STK3: variants seen among roughly 807,000 people sequenced by gnomAD.
STK3 encodes serine/threonine kinase 3.
STK3 carries 41 observed loss-of-function variants against 58.0 expected under a neutral mutation model. The observed-to-expected ratio is 0.71, with a 90% CI of 0.55 to 0.92. The LOEUF (loss-of-function observed/expected upper bound fraction) is 0.92, where lower values mean the gene tolerates loss of function less well. Among genes scored for constraint, STK3 ranks in the 40% least tolerant of loss-of-function variants. The probability of loss-of-function intolerance (pLI) is 0.00; values close to 1 mark genes in which losing one functional copy is unlikely to be tolerated. For synonymous variants in STK3, 170 were observed against 191.0 expected, an observed-to-expected ratio of 0.89 and a Z score of 0.91; for missense variants, 479 against 602.7, an observed-to-expected ratio of 0.79 and a Z score of 2.15.
At chr8:98,469,477 C>T (rs1820754958) in intron 10 of STK3, among the ~76,000 whole-genome samples, 1 of 152,182 alleles carries the variant, frequency 6.6e-6, no homozygotes, top group African/African-American at 2.4e-5. Context: ...CTCCCTTGAG[C>T]CAGACACCTG....
intron 4 of STK3, among the ~76,000 whole-genome samples, chr8:98,717,097 C>T (rs1417496769): frequency 6.6e-6 from 1 of 151,756 alleles, no homozygotes; most frequent in Non-Finnish European, 1.5e-5. Flanking sequence ...GCAAAAACCT[C>T]ATGATACCAG....
intron 8 of STK3, among the ~76,000 whole-genome samples, chr8:98,564,985 T>A (rs1026431248): frequency 2.0e-5 from 3 of 152,172 alleles, no homozygotes; most frequent in Non-Finnish European, 4.4e-5. Context: ...GGGTGGTATA[T>A]GGAAACTCTC....
intron 6 of STK3, among the ~76,000 whole-genome samples, chr8:98,613,411 C>A (rs1418324780): frequency 2.0e-5 from 3 of 151,976 alleles, no homozygotes; most frequent in Non-Finnish European, 4.4e-5. Flanking sequence ...TCAGAAGTAT[C>A]TGACAAATAT....
chr8:98,488,522 G>A (rs10441501), intron 10 of STK3, among the ~76,000 whole-genome samples: 69,986 of 151,904 alleles, frequency 0.46, 16,298 homozygotes, highest in Admixed American at 0.55. Flanking sequence ...TTCTTTTCCT[G>A]CTTCTAATGT....
At chr8:98,422,926 G>A (rs1030970975) in intron 3 of STK3, among the ~76,000 whole-genome samples, 6 of 152,170 alleles carry the variant, frequency 3.9e-5, no homozygotes, top group Non-Finnish European at 5.9e-5. Flanking sequence ...CTGGTGTGAG[G>A]CCCAAGGCAT....
intron 2 of STK3, among the ~76,000 whole-genome samples, chr8:98,435,252 T>C (rs766879972): frequency 6.6e-6 from 1 of 151,782 alleles, no homozygotes; most frequent in Non-Finnish European, 1.5e-5. Flanking sequence ...GCTGGCCAGG[T>C]GGAGGGAAGG....
chr8:98,542,914 C>T (rs149945272), intron 9 of STK3, among the ~76,000 whole-genome samples: 7 of 152,158 alleles, frequency 4.6e-5, no homozygotes, highest in African/African-American at 1.7e-4. Context: ...CACTATACCA[C>T]ATCATTTGTT....
intron 10 of STK3, among the ~76,000 whole-genome samples, chr8:98,483,921 AC>A (rs1036331728): frequency 6.6e-6 from 1 of 152,180 alleles, no homozygotes; most frequent in African/African-American, 2.4e-5. Context: ...GTGTTTGAAC[AC>A]AGACGGGTAG....
intron 6 of STK3, among the ~76,000 whole-genome samples, chr8:98,632,104 C>A (rs527414472): frequency 1.3e-5 from 2 of 152,264 alleles, no homozygotes; most frequent in East Asian, 3.9e-4. Flanking sequence ...AATTAATATA[C>A]CAAAGCCTTT....
chr8:98,597,976 G>A (rs1168967192), intron 6 of STK3: 4 of 985,170 alleles, frequency 4.1e-6, no homozygotes, highest in Non-Finnish European at 4.8e-6. Flanking sequence ...GGGGTTAAAA[G>A]CAGCTGCTGG....
chr8:98,668,003 T>G (rs1822499240), intron 6 of STK3, among the ~76,000 whole-genome samples: 1 of 152,130 alleles, frequency 6.6e-6, no homozygotes. Context: ...TATTAGACAC[T>G]TTCTCAGTTG....
Position 98,813,716 on chromosome 8 carries a change from T to C in STK3, c.26+11799A>G, listed in dbSNP as rs534834369. ...TGATATGATTTCTTTACATTTCTTG[T>C]AACAAACCTATACAAAATTAACAAA... On this transcript the variant is annotated intron_variant, in intron 1 of 10. Coordinates refer to ENST00000419617, the MANE Select transcript of STK3 (RefSeq NM_006281.4). Among the ~76,000 whole-genome samples the C allele has an allele frequency of 7.9e-5, 12 of 152,322 alleles. No homozygotes were observed. In the South Asian group the frequency reaches 2.3e-3, roughly 29 times the overall value.
At chr8:98,471,406 A>T (rs4398885) in intron 10 of STK3, among the ~76,000 whole-genome samples, 1,565 of 144,338 alleles carry the variant, frequency 0.011, 112 homozygotes, top group Admixed American at 0.1. Flanking sequence ...TTACGTCTTG[A>T]TAAAGCCATC....
At chr8:98,413,834 T>G in intron 3 of STK3, 1 of 579,658 alleles carries the variant, frequency 1.7e-6, no homozygotes. Context: ...CCCTCCCAGA[T>G]GGGGCCGCCC....
chr8:98,755,232 G>A (rs921777166), intron 3 of STK3, among the ~76,000 whole-genome samples: 4 of 152,102 alleles, frequency 2.6e-5, no homozygotes, highest in Admixed American at 6.6e-5. Flanking sequence ...CCCTCTACTC[G>A]GGCCAGGCAT....
In STK3 at chr8:98,444,696, G is replaced by T. The variant is rs184706304; in HGVS notation, n.186-7488C>A. ...GGGCAGAAAATACAAGGGGAATGGC[G>T]TTTGGTCATGTTGAACTTGAGGTAC... On this transcript the variant is annotated intron_variant and non_coding_transcript_variant, in intron 1 of 3. Coordinates refer to the STK3 transcript ENST00000517832. Among the ~76,000 whole-genome samples the T allele has an allele frequency of 6.3e-3, 961 of 152,290 alleles. 5 individuals carry two copies. Among genetic ancestry groups the T allele is most frequent in the Non-Finnish European group, 8.3e-3 (563 of 68,028 alleles).
chr8:98,771,053 T>C (rs1260632868), intron 2 of STK3, among the ~76,000 whole-genome samples: 1 of 152,234 alleles, frequency 6.6e-6, no homozygotes, highest in African/African-American at 2.4e-5. Flanking sequence ...TGTTTTAAAG[T>C]GTATGATTCA....
intron 9 of STK3, among the ~76,000 whole-genome samples, chr8:98,532,736 A>AT (rs996839004): frequency 2.0e-5 from 3 of 151,704 alleles, no homozygotes; most frequent in Non-Finnish European, 4.4e-5. Context: ...AATAAAAAAA[A>AT]TTTTTTTAAT....
At chr8:98,361,864 A>AG in the STK3 span, among the ~76,000 whole-genome samples, 4 of 152,138 alleles carry the variant, frequency 2.6e-5, no homozygotes, top group African/African-American at 9.7e-5. Context: ...AGAACAAGGG[A>AG]GCCACAAGGG....
Sources: allele counts gnomAD v4.1 joint callset (sites outside exome capture counted in the v4.1 genomes callset), GRCh38; gene constraint gnomAD v4.1.1; transcripts MANE v1.5; gene names NCBI Gene and HGNC (gene_info 2026-07-23, HGNC 2026-07-21).